Variants in TENM4 observed in about 807,000 individuals in gnomAD.
The protein encoded by TENM4 is teneurin transmembrane protein 4.
TENM4 carries 82 observed loss-of-function variants against 243.3 expected under a neutral mutation model. That is an observed-to-expected ratio of 0.34 (90% confidence interval 0.28 to 0.40). The LOEUF (loss-of-function observed/expected upper bound fraction) is 0.40, where lower values mean the gene tolerates loss of function less well. Among genes scored for constraint, TENM4 ranks in the 10% least tolerant of loss-of-function variants. TENM4 has a pLI of 1.00. For synonymous variants in TENM4, 1,412 were observed against 1,456.3 expected (o/e 0.97, Z 0.69); for missense variants, 3,138 against 3,673.3 (o/e 0.85, Z 3.77).
chr11:79,137,580 G>A (rs540702000), intron 4 of TENM4, among the ~76,000 whole-genome samples: 36 of 152,272 alleles, frequency 2.4e-4, no homozygotes, highest in Middle Eastern at 3.4e-3. Flanking sequence ...AGTTACAACC[G>A]CGTGACCAGC....
intron 18 of TENM4, among the ~76,000 whole-genome samples, chr11:78,757,833 G>A (rs1856344854): frequency 6.6e-6 from 1 of 152,164 alleles, no homozygotes; most frequent in Admixed American, 6.5e-5. Context: ...AGGGATATTT[G>A]TGCTTTTTGA....
intron 2 of TENM4, among the ~76,000 whole-genome samples, chr11:79,270,153 G>C (rs1377844642): frequency 6.6e-6 from 1 of 152,144 alleles, no homozygotes; most frequent in Non-Finnish European, 1.5e-5. Context: ...ACCTGCAGGA[G>C]CCTTGAGGCT....
intron 4 of TENM4, among the ~76,000 whole-genome samples, chr11:79,108,085 CA>C (rs1861416617): frequency 6.6e-6 from 1 of 152,154 alleles, no homozygotes; most frequent in Non-Finnish European, 1.5e-5. Context: ...ATTCGTATTA[CA>C]AAAAGGAAAA....
intron 2 of TENM4, among the ~76,000 whole-genome samples, chr11:79,269,996 G>A (rs1414097387): frequency 6.6e-6 from 1 of 152,060 alleles, no homozygotes; most frequent in Non-Finnish European, 1.5e-5. Context: ...ACTCCCAGCA[G>A]GTTCCTTTCC....
chr11:78,841,001 A>T (rs1858245787), intron 12 of TENM4, among the ~76,000 whole-genome samples: 1 of 152,338 alleles, frequency 6.6e-6, no homozygotes, highest in South Asian at 2.1e-4. Flanking sequence ...CAGGTATAAC[A>T]CTTAGCATGC....
At chr11:79,294,026 G>A (rs1473731888) in intron 2 of TENM4, among the ~76,000 whole-genome samples, 1 of 152,202 alleles carries the variant, frequency 6.6e-6, no homozygotes, top group Admixed American at 6.5e-5. Flanking sequence ...AGGCCTTCAG[G>A]GGCTCACAGT....
chr11:79,314,089 C>T (rs1437211236), intron 1 of TENM4, among the ~76,000 whole-genome samples: 1 of 152,172 alleles, frequency 6.6e-6, no homozygotes, highest in East Asian at 1.9e-4. Context: ...ACTGGATTTG[C>T]AGTCATGAAG....
rs985650619 is a variant in TENM4, at chr11:78,771,109, C to T, written c.2422G>A (p.Gly808Ser). The change falls in exon 18 of 34, where the codon GGC (glycine) becomes AGC (serine). Residue 808 changes from glycine (G) to serine (S), a missense_variant. Transcript: ENST00000278550. ...EGCPGLCNGN[G>S]RCTLDLNGWH... is the part of the protein sequence containing the mutation. ...CCATTCAGGTCTAAGGTACATCTGCCGTTGCCATTGCACAACCCAGGGCAA... is the reference window on the plus strand; with the variant it reads ...CCATTCAGGTCTAAGGTACATCTGCTGTTGCCATTGCACAACCCAGGGCAA... 1.3e-5 allele frequency: 20 copies of T among 1,571,864 alleles called. No homozygotes were observed. The highest frequency in any genetic ancestry group is 2.4e-5 in the East Asian group (1 of 42,386).
intron 6 of TENM4, among the ~76,000 whole-genome samples, chr11:78,937,016 C>G (rs906009308): frequency 7.9e-5 from 12 of 152,122 alleles, no homozygotes; most frequent in Admixed American, 2.0e-4. Flanking sequence ...CTTCCCTTCT[C>G]AGAAACACAT....
intron 6 of TENM4, among the ~76,000 whole-genome samples, chr11:79,021,059 T>C (rs947955057): frequency 3.3e-5 from 5 of 152,202 alleles, no homozygotes; most frequent in Non-Finnish European, 5.9e-5. Context: ...GCTCAGAGCC[T>C]AGCATACAAT....
chr11:78,971,135 C>T (rs186830844), intron 6 of TENM4, among the ~76,000 whole-genome samples: 11 of 152,102 alleles, frequency 7.2e-5, no homozygotes, highest in African/African-American at 2.7e-4. Flanking sequence ...GTGATCCTCC[C>T]GACTCAGCCT....
chr11:78,822,676 T>G (rs554548839), intron 12 of TENM4, among the ~76,000 whole-genome samples: 10 of 152,226 alleles, frequency 6.6e-5, no homozygotes, highest in African/African-American at 2.2e-4. Context: ...TGGCACACGT[T>G]TACCTATGTA....
In TENM4 at chr11:79,265,375, T is replaced by C. The variant is rs534651540; in HGVS notation, c.-265+32113A>G. ...TGCAGCCATTGGCCACATGTGGCTATGGAGCCCTTGAAACGCGGCTCATCC... is the reference window on the plus strand; with the variant it reads ...TGCAGCCATTGGCCACATGTGGCTACGGAGCCCTTGAAACGCGGCTCATCC... On this transcript the variant is annotated intron_variant, in intron 2 of 33. Coordinates refer to ENST00000278550, the MANE Select transcript of TENM4 (RefSeq NM_001098816.3). 3.3e-5 allele frequency among the ~76,000 whole-genome samples: 5 copies of C among 152,352 alleles called. No individual in the cohort carries two copies. In the South Asian group the frequency reaches 6.2e-4, roughly 19 times the overall value.
chr11:78,732,209 C>T (rs1307637386), intron 21 of TENM4, 107 bp downstream of exon 21: 4 of 1,457,826 alleles, frequency 2.7e-6, no homozygotes, highest in Non-Finnish European at 3.6e-6. Flanking sequence ...GGGACCTGAC[C>T]CAAGCCCTAC....
At chr11:78,937,379 C>T (rs781110000) in intron 6 of TENM4, among the ~76,000 whole-genome samples, 3 of 152,136 alleles carry the variant, frequency 2.0e-5, no homozygotes, top group Non-Finnish European at 4.4e-5. Context: ...GAGAAGGTTC[C>T]ATGTTCAAAA....
At chr11:78,973,766 A>G (rs77274263) in intron 6 of TENM4, among the ~76,000 whole-genome samples, 4 of 151,362 alleles carry the variant, frequency 2.6e-5, no homozygotes, top group African/African-American at 7.3e-5. Context: ...GCCATTAAAT[A>G]TAATGGCAAA....
At chr11:79,392,612 C>G (rs1008221757) in intron 1 of TENM4, among the ~76,000 whole-genome samples, 1 of 152,214 alleles carries the variant, frequency 6.6e-6, no homozygotes, top group Admixed American at 6.5e-5. Flanking sequence ...GGGCCCTGCC[C>G]CTTCTGTCCT....
chr11:79,103,821 C>T (rs1056576865), intron 4 of TENM4, among the ~76,000 whole-genome samples: 1 of 152,232 alleles, frequency 6.6e-6, no homozygotes, highest in African/African-American at 2.4e-5. Flanking sequence ...CTCTGCTCCC[C>T]ACTCGCTGTC....
At chr11:78,711,401 G>A (rs1859393746) in intron 26 of TENM4, among the ~76,000 whole-genome samples, 1 of 152,124 alleles carries the variant, frequency 6.6e-6, no homozygotes, top group Admixed American at 6.5e-5. Flanking sequence ...GGAAAATGAG[G>A]CTCAGAGAAC....
Sources: allele counts gnomAD v4.1 joint callset (sites outside exome capture counted in the v4.1 genomes callset), GRCh38; gene constraint gnomAD v4.1.1; transcripts MANE v1.5; gene names NCBI Gene and HGNC (gene_info 2026-07-23, HGNC 2026-07-21).